Variants in FLT4 observed in about 807,000 individuals in gnomAD.
The protein encoded by FLT4 is fms related receptor tyrosine kinase 4.
In FLT4, 30 loss-of-function variants were observed where a neutral mutation model predicts 163.2. The ratio of observed to expected loss-of-function variants is 0.18; its 90% CI spans 0.14 to 0.25. FLT4 has a LOEUF of 0.25. Ranked by LOEUF, FLT4 falls within the 10% of genes least tolerant of loss-of-function variation. The pLI, the probability that FLT4 is intolerant of heterozygous loss-of-function variation, is 1.00. For missense variants in FLT4, 1,510 were observed against 1,863.8 expected (o/e 0.81, Z 3.50); for synonymous variants, 884 against 789.5 (o/e 1.12, Z -2.01).
At chr5:180,627,893 T>C (rs910090091) in intron 8 of FLT4, among the ~76,000 whole-genome samples, 17 of 152,174 alleles carry the variant, frequency 1.1e-4, no homozygotes, top group African/African-American at 4.1e-4. Context: ...CCAGGTGCCT[T>C]GGATGGACAC....
rs1763080984 is a variant in FLT4 at position 180,620,815 on chromosome 5, C to T, written c.2299+61G>A. The T allele has an allele frequency of 2.1e-5, 33 of 1,608,426 alleles. No homozygotes were observed. Among genetic ancestry groups the T allele is most frequent in the Non-Finnish European group, 2.6e-5 (31 of 1,177,852 alleles). ...GGTGGCCACGACTTGCCCAAGGTGG[C>T]CACAAGAAAGCGTTAACTGGGGACG... On this transcript the variant is annotated intron_variant, in intron 15 of 29. Transcript: ENST00000261937. The surrounding 1 kb of genome is among the most constrained non-coding windows in gnomAD (Gnocchi z 4.4).
At chr5:180,647,959 C>A (rs1468547618) in intron 1 of FLT4, among the ~76,000 whole-genome samples, 1 of 152,162 alleles carries the variant, frequency 6.6e-6, no homozygotes, top group East Asian at 1.9e-4. Flanking sequence ...TTCCCTGGAT[C>A]CCTGGAAGCC....
At position 180,614,135 on chromosome 5, in the gene FLT4, G is replaced by A. The variant is rs760356395; in HGVS notation, c.3264C>T (p.Asp1088=). ...CGTCACTCTGCGTGGTGTACACCTT[G>A]TCGAAGATGCTTTCAGGGGCCATCC... ...LKWMAPESIF[D]KVYTTQSDVW... Residue 1088 remains aspartate (D), a synonymous_variant, in exon 24 of 30, where the codon GAC becomes GAT. Transcript: ENST00000261937. 6.8e-6 allele frequency: 11 copies of A among 1,613,958 alleles called. No individual in the cohort carries two copies. The highest frequency in any genetic ancestry group is 9.3e-6 in the Non-Finnish European group (11 of 1,179,974).
rs931062909 is a variant in FLT4 at position 180,622,038 on chromosome 5, C to G, written c.1658-134G>C. ...GGGCCCCAGCTGGACTGCTTGCCCC[C>G]CGCCCCACCAAAAGCCCAGGTCATC... On this transcript the variant is annotated intron_variant, in intron 12 of 29. Coordinates refer to ENST00000261937, the MANE Select transcript of FLT4 (RefSeq NM_182925.5). 5 of 1,018,852 alleles carry G rather than the reference C, an allele frequency of 4.9e-6. No homozygotes were observed. The Admixed American group carries it at 9.5e-5, about 19-fold the overall frequency. The allele number at this position is 1,018,852 out of a possible 1,614,324, so 63.1% of individuals were successfully genotyped here.
At position 180,621,778 on chromosome 5, in the gene FLT4, A is replaced by G; in HGVS notation, c.1784T>C (p.Leu595Pro). The G allele has an allele frequency of 6.2e-7, 1 of 1,613,354 alleles. No homozygotes were observed. Among genetic ancestry groups the G allele is most frequent in the Non-Finnish European group, 8.5e-7 (1 of 1,179,974 alleles). Residue 595 changes from leucine to proline, a missense_variant, in exon 13 of 30, where the codon CTG becomes CCG. Physicochemically the swap from Leu to Pro is moderately conservative, Grantham distance 98. Around this residue, in one of 5 missense-constraint regions of FLT4, gnomAD observed 878 missense variants for 1,016.7 expected, o/e 0.86. Coordinates refer to ENST00000261937, the MANE Select transcript of FLT4 (RefSeq NM_182925.5). ...CCCGTGCGCATCGTGCAGCGTGGAC[A>G]GGTTGAGGCGGTACCAGCGCAGATG... ...YEHLRWYRLNLSTLHDAHGNP... is the reference protein window; with the variant it reads ...YEHLRWYRLNPSTLHDAHGNP...
chr5:180,616,787 A>C (rs931138890), intron 22 of FLT4, 113 bp downstream of exon 22: 1 of 922,126 alleles, frequency 1.1e-6, no homozygotes, highest in African/African-American at 1.6e-5. Flanking sequence ...AAAGTGGGAG[A>C]GACACTGATG....
At chr5:180,606,062 G>A (rs1361658350) in intron 29 of FLT4, among the ~76,000 whole-genome samples, 3 of 152,224 alleles carry the variant, frequency 2.0e-5, no homozygotes, top group Admixed American at 6.5e-5. Flanking sequence ...TGTATGCCAA[G>A]CGGATGCACC....
intron 29 of FLT4, among the ~76,000 whole-genome samples, chr5:180,608,653 C>A (rs574924275): frequency 6.6e-6 from 1 of 152,254 alleles, no homozygotes; most frequent in African/African-American, 2.4e-5. Flanking sequence ...GCCTCCCCAA[C>A]CTGGAGGAGA....
intron 27 of FLT4, 52 bp from the exon 28 acceptor site, chr5:180,610,077 C>A (rs759443068): frequency 4.3e-6 from 7 of 1,611,898 alleles, no homozygotes; most frequent in Non-Finnish European, 5.9e-6. Flanking sequence ...CAACCCTCCT[C>A]GAACTTCTCT....
At position 180,629,105 on chromosome 5, in the gene FLT4, CTG is replaced by C. The variant is rs553191750; in HGVS notation, c.986-108_986-107del. On this transcript the variant is annotated intron_variant, in intron 7 of 29. Coordinates refer to ENST00000261937, the MANE Select transcript of FLT4 (RefSeq NM_182925.5). ...GCCCCGGCAGCCGGACATCCGCAGA[CTG>C]GGGCTGGCCATGCCGCCCGGTGCAG... 8.3e-4 allele frequency: 1,187 copies of C among 1,438,496 alleles called. 12 individuals are homozygous for C. The highest frequency in any genetic ancestry group is 7.1e-3 in the South Asian group (620 of 87,418). 89.1% of individuals were successfully genotyped at this position (1,438,496 alleles called of 1,614,324 possible).
rs1460237997 is a variant in FLT4 at position 180,616,449 on chromosome 5, G to A, written c.3137C>T (p.Ser1046Leu). 9 of 1,613,816 alleles carry A rather than the reference G, an allele frequency of 5.6e-6. No homozygotes were observed. The highest frequency in any genetic ancestry group is 2.2e-5 in the East Asian group (1 of 44,898). Residue 1046 changes from serine (S) to leucine (L), a missense_variant, in exon 23 of 30, where the codon TCG (serine) becomes TTG (leucine). Ser to Leu is a moderately radical substitution (Grantham distance 145). Coordinates refer to ENST00000261937, the MANE Select transcript of FLT4 (RefSeq NM_182925.5). ...ACAGATCTTCACCACGTCGCTTTCCGACAGCAGAATGTTCCGAGCAGCCAG... is the reference window on the plus strand; with the variant it reads ...ACAGATCTTCACCACGTCGCTTTCCAACAGCAGAATGTTCCGAGCAGCCAG... Reference protein sequence around the residue: ...RDLAARNILLSESDVVKICDF... With the variant: ...RDLAARNILLLESDVVKICDF...
chr5:180,640,883 G>A (rs1441413162), intron 1 of FLT4, among the ~76,000 whole-genome samples: 1 of 152,172 alleles, frequency 6.6e-6, no homozygotes, highest in Non-Finnish European at 1.5e-5. Context: ...CCCTCTCTAC[G>A]GGGCAGTGTG....
rs551038027 is a variant in FLT4 at position 180,631,405 on chromosome 5, A to G, written c.155+277T>C. Among the ~76,000 whole-genome samples the G allele has an allele frequency of 1.8e-3, 273 of 152,018 alleles. 2 individuals are homozygous for G. The East Asian group carries it at 0.021, about 12-fold the overall frequency. Reference sequence around the variant, plus strand: ...GGAGAATGGCGTGAACCCGGGAGGCAGAGCTTGCAGTGAGCCGAGATCGCA... The same window carrying G: ...GGAGAATGGCGTGAACCCGGGAGGCGGAGCTTGCAGTGAGCCGAGATCGCA... On this transcript the variant is annotated intron_variant, in intron 2 of 29. Coordinates refer to ENST00000261937, the MANE Select transcript of FLT4 (RefSeq NM_182925.5).
rs778664411 is a variant in FLT4, at chr5:180,631,700, C to G, written c.137G>C (p.Ser46Thr). The change falls in exon 2 of 30, where the codon AGC (serine) becomes ACC (threonine). Residue 46 changes from serine (S) to threonine (T), a missense_variant. Physicochemically the swap from Ser to Thr is moderately conservative, Grantham distance 58. This residue lies in a region of FLT4 where 157 missense variants were observed against 178.7 expected (regional missense o/e 0.88). Coordinates refer to ENST00000261937, the MANE Select transcript of FLT4 (RefSeq NM_182925.5). The stretch of plus-strand genomic sequence containing the variant: ...CCAGTACCTGCAGGAGATGGACAGG[C>G]TGTCACCGGTGTCGATGACGTGTGA... ...EESHVIDTGD[S>T]LSISCRGQHP... 6.2e-7 allele frequency: 1 copy of G among 1,609,870 alleles called. No homozygotes were observed. Among genetic ancestry groups the G allele is most frequent in the East Asian group, 2.2e-5 (1 of 44,866 alleles).
chr5:180,641,667 G>A (rs879537834), intron 1 of FLT4, among the ~76,000 whole-genome samples: 1 of 152,188 alleles, frequency 6.6e-6, no homozygotes, highest in Non-Finnish European at 1.5e-5. Flanking sequence ...CCTGTCTGGT[G>A]GCCCCTGCTA....
intron 21 of FLT4, 142 bp downstream of exon 21, chr5:180,618,628 G>T: frequency 1.2e-6 from 1 of 840,754 alleles, no homozygotes; most frequent in Non-Finnish European, 1.9e-6. Flanking sequence ...TTGTCCCCGA[G>T]GTGTCTTCCC....
intron 8 of FLT4, among the ~76,000 whole-genome samples, chr5:180,627,970 C>A (rs1267212027): frequency 6.6e-6 from 1 of 152,130 alleles, no homozygotes; most frequent in Non-Finnish European, 1.5e-5. Context: ...GGCCTTCCAT[C>A]CCAGGAGAGA....
intron 23 of FLT4, among the ~76,000 whole-genome samples, chr5:180,614,800 C>T (rs191912637): frequency 3.9e-5 from 6 of 152,312 alleles, no homozygotes; most frequent in Non-Finnish European, 7.4e-5. Flanking sequence ...ACACTTCCCT[C>T]CAACCAGCGG....
At position 180,623,832 on chromosome 5, in the gene FLT4, G is replaced by T; in HGVS notation, c.1548+103C>A. ...AAGGTCACCCGCTCTCGGCTGCTCT[G>T]CCCAGCACTCTGGAAGCCAGGTGGA... On this transcript the variant is annotated intron_variant, in intron 11 of 29. Coordinates refer to ENST00000261937, the MANE Select transcript of FLT4 (RefSeq NM_182925.5). The surrounding 1 kb of genome is among the most constrained non-coding windows in gnomAD (Gnocchi z 5.8). 1 of 1,480,996 alleles carries T rather than the reference G, an allele frequency of 6.8e-7. No individual in the cohort carries two copies. Among genetic ancestry groups the T allele is most frequent in the Non-Finnish European group, 9.4e-7 (1 of 1,064,470 alleles). The allele number at this position is 1,480,996 out of a possible 1,614,324, so 91.7% of individuals were successfully genotyped here.
Sources: gnomAD v4.1 joint callset for allele counts (sites outside exome capture counted in the v4.1 genomes callset) on GRCh38, gnomAD v4.1.1 for gene constraint, gnomAD v4.1.1 regional missense constraint, Gnocchi (gnomAD v3.1) non-coding constraint, MANE v1.5 for transcripts, NCBI Gene and HGNC (gene_info 2026-07-23, HGNC 2026-07-21) for gene names.